Variants in SNX29 observed in about 807,000 individuals in gnomAD.
SNX29 encodes sorting nexin-29.
SNX29 carries 78 observed loss-of-function variants against 102.1 expected under a neutral mutation model. The ratio of observed to expected loss-of-function variants is 0.76; its 90% CI spans 0.64 to 0.92. The LOEUF is 0.92. Ranked by LOEUF, SNX29 falls within the 40% of genes least tolerant of loss-of-function variation. SNX29 has a pLI of 0.00. For synonymous variants in SNX29, 580 were observed against 414.5 expected (o/e 1.40, Z -4.85); for missense variants, 1,280 against 1,061.7 (o/e 1.21, Z -2.86).
At chr16:12,362,051 G>T (rs2082315912) in intron 16 of SNX29, among the ~76,000 whole-genome samples, 1 of 151,322 alleles carries the variant, frequency 6.6e-6, no homozygotes, top group South Asian at 2.1e-4. Flanking sequence ...TCCTTGTTCT[G>T]TGTCCTACCT....
intron 16 of SNX29, among the ~76,000 whole-genome samples, chr16:12,394,494 A>T (rs540827808): frequency 5.9e-5 from 9 of 152,266 alleles, no homozygotes; most frequent in African/African-American, 1.9e-4. Flanking sequence ...ATGGCTTTTT[A>T]AAAAAACTTG....
chr16:12,199,624 A>G lies in SNX29; in HGVS notation c.1619A>G (p.Gln540Arg). ...AGAGAGAACGAGGTGCTCAAAGTCC[A>G]ACTGAAGAAATATGTAGGAGCTGTC... ...LARENEVLKV[Q>R]LKKYVGAVQM... Residue 540 changes from glutamine (Q) to arginine (R), a missense_variant, in exon 14 of 21, where the codon CAA (glutamine) becomes CGA (arginine). Transcript: ENST00000566228. 1 of 1,613,264 alleles carries G rather than the reference A, an allele frequency of 6.2e-7. No individual in the cohort carries two copies. The highest frequency in any genetic ancestry group is 8.5e-7 in the Non-Finnish European group (1 of 1,179,548).
chr16:12,356,310 C>G (rs2082134913), intron 16 of SNX29, 31 bp downstream of exon 16: 3 of 1,544,018 alleles, frequency 1.9e-6, no homozygotes, highest in Middle Eastern at 2.0e-4. Context: ...GTGTGTCTGT[C>G]AAGCCTCTGC....
intron 16 of SNX29, among the ~76,000 whole-genome samples, chr16:12,394,611 A>G (rs1362267626): frequency 2.6e-5 from 4 of 152,098 alleles, no homozygotes; most frequent in African/African-American, 7.2e-5. Flanking sequence ...GACATCCAAG[A>G]TGGTGCTCTC....
chr16:12,563,515 C>T (rs556384736), intron 20 of SNX29, among the ~76,000 whole-genome samples: 4 of 152,306 alleles, frequency 2.6e-5, no homozygotes, highest in South Asian at 2.1e-4. Flanking sequence ...CTCCTCCCCG[C>T]ATGTGAAAAA....
At chr16:12,158,768 A>C (rs561658076) in intron 13 of SNX29, among the ~76,000 whole-genome samples, 10 of 152,212 alleles carry the variant, frequency 6.6e-5, no homozygotes, top group African/African-American at 2.4e-4. Context: ...ACCTCAGGCA[A>C]CTTTGAGCCT....
At chr16:12,461,143 G>A (rs577003694) in intron 18 of SNX29, among the ~76,000 whole-genome samples, 13 of 152,302 alleles carry the variant, frequency 8.5e-5, no homozygotes, top group African/African-American at 3.1e-4. Context: ...TACAACTAAT[G>A]AGAATATGAA....
intron 3 of SNX29, 33 bp from the exon 4 acceptor site, chr16:12,027,287 G>A: frequency 1.2e-6 from 2 of 1,610,954 alleles, no homozygotes; most frequent in Non-Finnish European, 1.7e-6. Context: ...TCCCTTTTCT[G>A]GGGGGACTGA....
intron 13 of SNX29, among the ~76,000 whole-genome samples, chr16:12,156,102 C>CT (rs1190735411): frequency 6.6e-6 from 1 of 152,256 alleles, no homozygotes. Flanking sequence ...AGCCTTGGCT[C>CT]TAACGTTTCT....
In SNX29 at chr16:12,423,664, G is replaced by A. The variant is rs568365356; in HGVS notation, c.2037+20135G>A. ...TGGCTCACTGCAAACTCTGCCTCCC[G>A]TGTTCAAACCATTCTCCTGTCTCAG... On this transcript the variant is annotated intron_variant, in intron 18 of 20. Transcript: ENST00000566228. 1.4e-4 allele frequency among the ~76,000 whole-genome samples: 22 copies of A among 152,204 alleles called. 1 individual carries two copies. The highest frequency in any genetic ancestry group is 7.7e-4 in the East Asian group (4 of 5,174).
At chr16:12,087,708 A>G in intron 11 of SNX29, 2 of 381,990 alleles carry the variant, frequency 5.2e-6, no homozygotes, top group Non-Finnish European at 1.0e-5. Context: ...AGGTACAGGC[A>G]TTACTGGTCC....
intron 15 of SNX29, among the ~76,000 whole-genome samples, chr16:12,311,988 C>T (rs1171366846): frequency 6.6e-6 from 1 of 152,204 alleles, no homozygotes; most frequent in Non-Finnish European, 1.5e-5. Context: ...TGTTACTCCA[C>T]TGGCCTGTGG....
rs2050523427 is a variant in SNX29 at position 12,056,400 on chromosome 16, G to C, written c.1124+4178G>C. Among the ~76,000 whole-genome samples the C allele has an allele frequency of 1.3e-5, 2 of 152,220 alleles. 1 individual carries two copies. The highest frequency in any genetic ancestry group is 4.1e-4 in the South Asian group (2 of 4,824). On this transcript the variant is annotated intron_variant, in intron 8 of 20. Transcript: ENST00000566228. ...GACAGCTCTCCCCGGCATTAAGAGG[G>C]ATCTTGACTGACCCTTCCACAGAGC...
intron 2 of SNX29, 96 bp from the exon 3 acceptor site, chr16:12,002,895 C>T (rs2056337579): frequency 2.2e-6 from 3 of 1,387,142 alleles, no homozygotes; most frequent in Admixed American, 1.8e-5. Flanking sequence ...GGTCCCGTGT[C>T]CCCTCCCTGA....
rs573656635 is a variant in SNX29, at chr16:12,042,794, A to G, written c.248-103A>G. ...CCTACCTTTTCCATGCTAAGGGGATACTCTGTTACAATCTCCAACTTCGCC... is the reference window on the plus strand; with the variant it reads ...CCTACCTTTTCCATGCTAAGGGGATGCTCTGTTACAATCTCCAACTTCGCC... On this transcript the variant is annotated intron_variant, in intron 4 of 20. Transcript: ENST00000566228. 6.0e-6 allele frequency: 7 copies of G among 1,164,256 alleles called. No homozygotes were observed. The Admixed American group carries it at 1.2e-4, about 20-fold the overall frequency. 72.1% of individuals were successfully genotyped at this position (1,164,256 alleles called of 1,614,324 possible). A position where few individuals can be genotyped will look rare whatever the true frequency, so the allele number is the denominator to read the frequency against.
At chr16:12,480,867 T>C (rs116912577) in intron 19 of SNX29, among the ~76,000 whole-genome samples, 3,854 of 152,030 alleles carry the variant, frequency 0.025, 70 homozygotes, top group Non-Finnish European at 0.038. Context: ...GGGAACTGTT[T>C]TGTTGTTGTT....
intron 18 of SNX29, among the ~76,000 whole-genome samples, chr16:12,448,590 G>T (rs545858313): frequency 2.4e-4 from 37 of 152,082 alleles, no homozygotes; most frequent in African/African-American, 8.4e-4. Flanking sequence ...GTTCTGAGAA[G>T]TTGATGAGAA....
chr16:12,409,818 C>A (rs2084321504), intron 18 of SNX29, among the ~76,000 whole-genome samples: 2 of 152,128 alleles, frequency 1.3e-5, no homozygotes, highest in East Asian at 3.9e-4. Flanking sequence ...TTGAAAAATA[C>A]CTTCAGTGTA....
chr16:12,246,742 G>A (rs2078270968), intron 14 of SNX29, among the ~76,000 whole-genome samples: 1 of 152,176 alleles, frequency 6.6e-6, no homozygotes, highest in African/African-American at 2.4e-5. Flanking sequence ...GCCAATTGGT[G>A]GTATTCTTAG....
Sources: gnomAD v4.1 joint callset for allele counts (sites outside exome capture counted in the v4.1 genomes callset) on GRCh38, gnomAD v4.1.1 for gene constraint, MANE v1.5 for transcripts, NCBI Gene and HGNC (gene_info 2026-07-23, HGNC 2026-07-21) for gene names.